FMNL2: variants seen among roughly 807,000 people sequenced by gnomAD.
FMNL2 encodes the protein formin-like protein 2.
FMNL2 carries 51 observed loss-of-function variants against 130.2 expected under a neutral mutation model. The observed-to-expected ratio is 0.39, with a 90% confidence interval of 0.31 to 0.49. The LOEUF (loss-of-function observed/expected upper bound fraction) is 0.49. Among genes scored for constraint, FMNL2 ranks in the 20% least tolerant of loss-of-function variants. FMNL2 has a pLI of 0.85. For missense variants in FMNL2, 977 were observed against 1,316.2 expected, an observed-to-expected ratio of 0.74 and a Z score of 3.99; for synonymous variants, 465 against 467.1, an observed-to-expected ratio of 1.00 and a Z score of 0.06.
chr2:152,391,051 A>G (rs1177219679), intron 1 of FMNL2, among the ~76,000 whole-genome samples: 2 of 152,242 alleles, frequency 1.3e-5, no homozygotes, highest in East Asian at 1.9e-4. Flanking sequence ...CTATAGCAAT[A>G]GTAACCACAC....
At chr2:152,407,598 T>C (rs1171291780) in intron 1 of FMNL2, among the ~76,000 whole-genome samples, 1 of 152,234 alleles carries the variant, frequency 6.6e-6, no homozygotes, top group African/African-American at 2.4e-5. Flanking sequence ...TTCTTCTCTT[T>C]TCAGCATTTT....
chr2:152,605,426 C>T (rs1322882999), intron 9 of FMNL2, among the ~76,000 whole-genome samples: 1 of 152,100 alleles, frequency 6.6e-6, no homozygotes, highest in Non-Finnish European at 1.5e-5. Context: ...TCAAAGTATC[C>T]TCCCACCTCA....
At chr2:152,529,477 A>G (rs991985527) in intron 2 of FMNL2, among the ~76,000 whole-genome samples, 3 of 152,208 alleles carry the variant, frequency 2.0e-5, no homozygotes, top group Non-Finnish European at 4.4e-5. Flanking sequence ...CACTGAATTA[A>G]TTGCTGTTGA....
At chr2:152,423,258 G>T (rs1279217101) in intron 1 of FMNL2, among the ~76,000 whole-genome samples, 2 of 152,184 alleles carry the variant, frequency 1.3e-5, no homozygotes, top group Non-Finnish European at 2.9e-5. Context: ...TAAGTGCTTT[G>T]TGAAGATTAA....
chr2:152,526,831 T>A (rs12622731), intron 2 of FMNL2, among the ~76,000 whole-genome samples: 49,189 of 151,754 alleles, frequency 0.32, 8,243 homozygotes, highest in East Asian at 0.54. Context: ...ATCTTTTTTT[T>A]AAAAAAATCG....
At chr2:152,607,274 C>T in intron 9 of FMNL2, 65 bp from the exon 10 acceptor site, 1 of 1,303,658 alleles carries the variant, frequency 7.7e-7, no homozygotes, top group Non-Finnish European at 1.1e-6. Flanking sequence ...GCTGAAATTT[C>T]TGCATCTAAT....
At chr2:152,614,651 G>A (rs1304172510) in intron 11 of FMNL2, among the ~76,000 whole-genome samples, 200 bp from the exon 12 acceptor site, 1 of 152,178 alleles carries the variant, frequency 6.6e-6, no homozygotes, top group East Asian at 1.9e-4. Context: ...GCTGAGACAC[G>A]AGAATCGCTT....
chr2:152,633,200 A>G (rs1682300257), intron 21 of FMNL2, among the ~76,000 whole-genome samples: 1 of 151,494 alleles, frequency 6.6e-6, no homozygotes, highest in Admixed American at 6.6e-5. Flanking sequence ...GGCTGAAACG[A>G]TCCTCCCACC....
chr2:152,405,626 G>A (rs1400608513), intron 1 of FMNL2, among the ~76,000 whole-genome samples: 1 of 152,114 alleles, frequency 6.6e-6, no homozygotes, highest in African/African-American at 2.4e-5. Flanking sequence ...GGAGCTTTAG[G>A]TGTTGGAAAG....
At chr2:152,642,994 G>A (rs766273041) in intron 25 of FMNL2, among the ~76,000 whole-genome samples, 13 of 140,142 alleles carry the variant, frequency 9.3e-5, no homozygotes, top group Non-Finnish European at 1.6e-4. Context: ...GGGCAATAGA[G>A]GGAGACTCTG....
At chr2:152,447,824 A>G (rs377691654) in intron 1 of FMNL2, among the ~76,000 whole-genome samples, 2 of 151,938 alleles carry the variant, frequency 1.3e-5, no homozygotes, top group East Asian at 1.9e-4. Flanking sequence ...CTTAGCATCC[A>G]TTTGTTCTTC....
chr2:152,568,045 G>A (rs1365755362), intron 6 of FMNL2, among the ~76,000 whole-genome samples: 1 of 152,130 alleles, frequency 6.6e-6, no homozygotes, highest in Non-Finnish European at 1.5e-5. Flanking sequence ...AGGTTCTGCG[G>A]TATTATGTAG....
chr2:152,465,332 G>C (rs1292104486), intron 1 of FMNL2, among the ~76,000 whole-genome samples: 1 of 152,232 alleles, frequency 6.6e-6, no homozygotes, highest in African/African-American at 2.4e-5. Flanking sequence ...GTGTGTTGCA[G>C]GCAGGAGGTT....
At chr2:152,564,519 C>T (rs140926558) in intron 6 of FMNL2, among the ~76,000 whole-genome samples, 6 of 152,020 alleles carry the variant, frequency 3.9e-5, no homozygotes, top group African/African-American at 7.2e-5. Context: ...GTCAGGAGTT[C>T]GAGACCAGCC....
intron 1 of FMNL2, among the ~76,000 whole-genome samples, chr2:152,381,403 A>G (rs914669784): frequency 6.6e-6 from 1 of 152,190 alleles, no homozygotes; most frequent in Non-Finnish European, 1.5e-5. Context: ...TCCAGAAGGG[A>G]AAGCCAGATC....
At chr2:152,635,317 C>T (rs565646977) in intron 21 of FMNL2, among the ~76,000 whole-genome samples, 76 of 152,266 alleles carry the variant, frequency 5.0e-4, no homozygotes, top group African/African-American at 1.8e-3. Context: ...TCAAGGCTCT[C>T]GTGTCCTTTG....
intron 9 of FMNL2, among the ~76,000 whole-genome samples, chr2:152,596,032 G>A (rs1371572404): frequency 6.7e-6 from 1 of 149,852 alleles, no homozygotes; most frequent in Non-Finnish European, 1.5e-5. Context: ...GCACCATCTC[G>A]GCTCACTGCA....
chr2:152,393,411 A>G (rs753822609), intron 1 of FMNL2, among the ~76,000 whole-genome samples: 12 of 152,250 alleles, frequency 7.9e-5, no homozygotes, highest in Admixed American at 4.6e-4. Context: ...ATTTGAGATT[A>G]TGTCCATAGG....
chr2:152,352,537 A>G (rs1330092830), intron 1 of FMNL2, among the ~76,000 whole-genome samples: 10 of 152,232 alleles, frequency 6.6e-5, no homozygotes, highest in Non-Finnish European at 1.5e-4. Context: ...AAGTAAATTG[A>G]CAGCCTTGTG....
Sources: allele counts gnomAD v4.1 joint callset (sites outside exome capture counted in the v4.1 genomes callset), GRCh38; gene constraint gnomAD v4.1.1; transcripts MANE v1.5; gene names NCBI Gene and HGNC (gene_info 2026-07-23, HGNC 2026-07-21).